ROBO2: variants seen among roughly 807,000 people sequenced by gnomAD.
ROBO2 encodes the protein roundabout homolog 2.
In ROBO2, 53 loss-of-function variants were observed where a neutral mutation model predicts 160.8. That is an observed-to-expected ratio of 0.33 (90% CI 0.26 to 0.41). ROBO2 has a LOEUF of 0.41. Ranked by LOEUF, ROBO2 falls within the 10% of genes least tolerant of loss-of-function variation. ROBO2 has a pLI of 1.00. For missense variants in ROBO2, 1,577 were observed against 1,722.4 expected (o/e 0.92, Z 1.49); for synonymous variants, 664 against 611.7 (o/e 1.09, Z -1.26).
At chr3:76,840,645 TTATATATATATA>T (rs3068959) in intron 2 of ROBO2, among the ~76,000 whole-genome samples, 21,849 of 134,948 alleles carry the variant, frequency 0.16, 1,994 homozygotes, top group East Asian at 0.37. Flanking sequence ...TAATTATATT[TTATATATATATA>T]TATATATATA....
intron 2 of ROBO2, among the ~76,000 whole-genome samples, chr3:76,493,364 T>TATATATATATATATATATAA (rs1491215318): frequency 9.6e-4 from 131 of 136,718 alleles, no homozygotes; most frequent in African/African-American, 3.3e-3. Flanking sequence ...TATATATATA[T>TATATATATATATATATATAA]AATTGTATAT....
chr3:77,269,905 A>G (rs1580525365), intron 2 of ROBO2, among the ~76,000 whole-genome samples: 1 of 152,266 alleles, frequency 6.6e-6, no homozygotes, highest in African/African-American at 2.4e-5. Flanking sequence ...AAATAAACTA[A>G]ACTGCATAGC....
chr3:77,131,458 G>A (rs2075844694), intron 2 of ROBO2, among the ~76,000 whole-genome samples: 1 of 152,098 alleles, frequency 6.6e-6, no homozygotes, highest in Admixed American at 6.6e-5. Context: ...TGGCATGTAC[G>A]TTTAAGATAG....
At chr3:77,313,082 T>C (rs560732105) in intron 2 of ROBO2, among the ~76,000 whole-genome samples, 1 of 152,334 alleles carries the variant, frequency 6.6e-6, no homozygotes, top group South Asian at 2.1e-4. Flanking sequence ...CCACTTTCCA[T>C]CAGATAAAGA....
intron 1 of ROBO2, among the ~76,000 whole-genome samples, chr3:77,052,762 A>T (rs1030998789): frequency 2.0e-5 from 3 of 152,190 alleles, no homozygotes; most frequent in African/African-American, 7.2e-5. Context: ...TAAGAACGTG[A>T]TGTTAGTGAT....
At chr3:76,505,151 A>C (rs2080726870) in intron 2 of ROBO2, among the ~76,000 whole-genome samples, 1 of 152,192 alleles carries the variant, frequency 6.6e-6, no homozygotes, top group South Asian at 2.1e-4. Flanking sequence ...GTAATTAAGG[A>C]TCCTTTCCTG....
At chr3:76,426,257 T>C (rs780095015) in intron 2 of ROBO2, among the ~76,000 whole-genome samples, 3 of 152,120 alleles carry the variant, frequency 2.0e-5, no homozygotes, top group Non-Finnish European at 4.4e-5. Context: ...TATCCTGGAG[T>C]ACAGCACCTC....
intron 2 of ROBO2, among the ~76,000 whole-genome samples, chr3:77,416,085 G>A (rs1467962073): frequency 5.3e-5 from 8 of 152,160 alleles, no homozygotes; most frequent in Non-Finnish European, 1.5e-5. Context: ...ATTGGAGAGT[G>A]GACAAGGCAG....
At chr3:77,059,175 T>C (rs2066045888) in intron 1 of ROBO2, among the ~76,000 whole-genome samples, 1 of 152,056 alleles carries the variant, frequency 6.6e-6, no homozygotes, top group East Asian at 1.9e-4. Context: ...GGACTGGAGA[T>C]AGCTATGTGA....
intron 2 of ROBO2, among the ~76,000 whole-genome samples, chr3:76,850,162 G>A (rs553622699): frequency 3.9e-5 from 6 of 152,136 alleles, no homozygotes; most frequent in Admixed American, 2.6e-4. Flanking sequence ...CTGCACTCCA[G>A]CCTGGTAACA....
chr3:77,507,697 T>G (rs1037356465), intron 5 of ROBO2, among the ~76,000 whole-genome samples: 1 of 152,144 alleles, frequency 6.6e-6, no homozygotes, highest in Non-Finnish European at 1.5e-5. Flanking sequence ...AAGTATTTAA[T>G]CCAGTAAAAC....
intron 2 of ROBO2, among the ~76,000 whole-genome samples, chr3:76,768,730 A>G (rs1361854963): frequency 2.0e-5 from 3 of 151,038 alleles, no homozygotes. Flanking sequence ...AGAATCATAT[A>G]ATTCTAGATA....
chr3:76,330,172 G>A (rs749797785), intron 2 of ROBO2, among the ~76,000 whole-genome samples: 1 of 152,160 alleles, frequency 6.6e-6, no homozygotes, highest in Non-Finnish European at 1.5e-5. Context: ...GCACCTTGCA[G>A]TCTAAAAAGG....
At chr3:76,227,500 A>G (rs1049768205) in intron 2 of ROBO2, among the ~76,000 whole-genome samples, 8 of 152,190 alleles carry the variant, frequency 5.3e-5, no homozygotes, top group African/African-American at 1.4e-4. Context: ...ATTTTTAGGT[A>G]TATATTTGTT....
intron 2 of ROBO2, among the ~76,000 whole-genome samples, chr3:77,385,425 T>C (rs1421997047): frequency 6.6e-6 from 1 of 152,214 alleles, no homozygotes; most frequent in Non-Finnish European, 1.5e-5. Context: ...AATTCAAAAT[T>C]ATTATCATTT....
At chr3:77,407,579 A>G (rs2076352706) in intron 2 of ROBO2, among the ~76,000 whole-genome samples, 1 of 152,196 alleles carries the variant, frequency 6.6e-6, no homozygotes, top group Non-Finnish European at 1.5e-5. Flanking sequence ...CTACTGGCCT[A>G]AGGTTTCTCC....
At chr3:76,030,994 C>T (rs1431110848) in intron 2 of ROBO2, among the ~76,000 whole-genome samples, 4 of 152,132 alleles carry the variant, frequency 2.6e-5, no homozygotes, top group Non-Finnish European at 4.4e-5. Flanking sequence ...TCTTCCTATT[C>T]GTGAGCATGG....
rs951164233 is a variant in ROBO2, at chr3:76,858,281, GT to G, written c.110-239725del. On this transcript the variant is annotated intron_variant, in intron 2 of 26. Transcript: ENST00000487694. ...AAACAAACACTCAGTAAATAGCTTT[GT>G]TTTTTTTGGAGGCAGAGCCTTTCTC... Among the ~76,000 whole-genome samples the G allele has an allele frequency of 3.9e-5, 6 of 151,974 alleles. No individual in the cohort carries two copies. The South Asian group carries it at 8.3e-4, about 21-fold the overall frequency.
intron 2 of ROBO2, among the ~76,000 whole-genome samples, chr3:76,654,469 A>G (rs1560311999): frequency 6.6e-6 from 1 of 152,158 alleles, no homozygotes; most frequent in Non-Finnish European, 1.5e-5. Flanking sequence ...CAGTGCATCC[A>G]TAGTCCAAAA....
Sources: gnomAD v4.1 joint callset for allele counts (sites outside exome capture counted in the v4.1 genomes callset) on GRCh38, gnomAD v4.1.1 for gene constraint, MANE v1.5 for transcripts, NCBI Gene and HGNC (gene_info 2026-07-23, HGNC 2026-07-21) for gene names.